Variants in NLGN1 observed in about 807,000 individuals in gnomAD.
NLGN1 encodes neuroligin-1.
Under a neutral mutation model 65.5 loss-of-function variants are expected in NLGN1, and 12 were observed. The ratio of observed to expected loss-of-function variants is 0.18; its 90% CI spans 0.12 to 0.30. NLGN1 has a LOEUF of 0.30. NLGN1 is among the 10% of genes least tolerant of loss of function. NLGN1 has a pLI of 1.00. For synonymous variants in NLGN1, 350 were observed against 359.5 expected (o/e 0.97, Z 0.30); for missense variants, 750 against 1,007.1 (o/e 0.74, Z 3.46).
intron 4 of NLGN1, among the ~76,000 whole-genome samples, chr3:174,080,404 A>G (rs946438679): frequency 6.6e-6 from 1 of 152,198 alleles, no homozygotes; most frequent in African/African-American, 2.4e-5. Context: ...GAAAGGAAGT[A>G]AAGTACATTT....
chr3:173,415,943 A>AGAGCGAGAGC lies in NLGN1; in HGVS notation c.-390+17457_-390+17458insAGCGAGAGCG, dbSNP rs141095727. Reference sequence around the variant, plus strand: ...GGGAGAGAGAGAGAGAGAGAGAGAGAGCTTGGTATAGAGCCTAACACACAA... The same window carrying AGAGCGAGAGC: ...GGGAGAGAGAGAGAGAGAGAGAGAGAGAGCGAGAGCGCTTGGTATAGAGCCTAACACACAA... On this transcript the variant is annotated intron_variant, in intron 1 of 6. Transcript: ENST00000457714. 1.6e-3 allele frequency among the ~76,000 whole-genome samples: 223 copies of AGAGCGAGAGC among 142,816 alleles called. 3 individuals are homozygous for AGAGCGAGAGC. The highest frequency in any genetic ancestry group is 5.7e-3 in the African/African-American group (204 of 35,796). 93.7% of individuals were successfully genotyped at this position (142,816 alleles called of 152,430 possible). A position where few individuals can be genotyped will look rare whatever the true frequency, so the allele number is the denominator to read the frequency against.
At chr3:174,144,536 T>G (rs577794702) in intron 4 of NLGN1, among the ~76,000 whole-genome samples, 3 of 152,304 alleles carry the variant, frequency 2.0e-5, no homozygotes, top group African/African-American at 7.2e-5. Flanking sequence ...CCACCAACAG[T>G]GTAAAAGCAT....
chr3:173,494,983 A>G (rs1729764415), intron 2 of NLGN1, among the ~76,000 whole-genome samples: 1 of 151,774 alleles, frequency 6.6e-6, no homozygotes, highest in Non-Finnish European at 1.5e-5. Context: ...ATTGCTTTCA[A>G]CATTCTAGAT....
intron 4 of NLGN1, among the ~76,000 whole-genome samples, chr3:174,009,335 G>T (rs1725056204): frequency 6.6e-6 from 1 of 152,154 alleles, no homozygotes; most frequent in Admixed American, 6.5e-5. Flanking sequence ...AGGGGTTGGG[G>T]TTGGGGAATA....
At chr3:174,048,419 A>C (rs1424567202) in intron 4 of NLGN1, among the ~76,000 whole-genome samples, 2 of 152,088 alleles carry the variant, frequency 1.3e-5, no homozygotes, top group African/African-American at 2.4e-5. Flanking sequence ...GGTGTCAATG[A>C]TGGCAAAGAA....
intron 4 of NLGN1, among the ~76,000 whole-genome samples, chr3:174,075,457 G>C (rs1212920182): frequency 1.3e-5 from 2 of 152,084 alleles, no homozygotes; most frequent in African/African-American, 4.8e-5. Context: ...TGATGAAGCG[G>C]TCCTTTAAAG....
chr3:173,904,380 C>T (rs2152194916), intron 4 of NLGN1, among the ~76,000 whole-genome samples: 1 of 152,226 alleles, frequency 6.6e-6, no homozygotes, highest in East Asian at 1.9e-4. Flanking sequence ...TCTCTAGGAT[C>T]AAGGGGTTAG....
At chr3:173,597,708 A>C (rs1256146922) in intron 2 of NLGN1, among the ~76,000 whole-genome samples, 1 of 143,012 alleles carries the variant, frequency 7.0e-6, no homozygotes, top group Non-Finnish European at 1.6e-5. Context: ...ATATATATTT[A>C]ATAAATATTT....
intron 4 of NLGN1, among the ~76,000 whole-genome samples, chr3:173,881,845 A>G (rs1733395109): frequency 1.3e-5 from 2 of 152,140 alleles, no homozygotes; most frequent in Non-Finnish European, 2.9e-5. Context: ...ACCTCCTCCC[A>G]TGAATCACAG....
intron 3 of NLGN1, among the ~76,000 whole-genome samples, chr3:173,796,321 C>T (rs1479709603): frequency 6.6e-6 from 1 of 152,070 alleles, no homozygotes; most frequent in African/African-American, 2.4e-5. Flanking sequence ...TATTTTTACT[C>T]CCTTTTTAAA....
At chr3:173,907,552 C>T (rs760269608) in intron 4 of NLGN1, among the ~76,000 whole-genome samples, 16 of 147,558 alleles carry the variant, frequency 1.1e-4, no homozygotes, top group Non-Finnish European at 1.9e-4. Flanking sequence ...CAGGAGAAGG[C>T]GTATCTTAGA....
chr3:174,002,054 TAA>T (rs201681047), intron 4 of NLGN1, among the ~76,000 whole-genome samples: 76 of 128,036 alleles, frequency 5.9e-4, no homozygotes, highest in African/African-American at 1.3e-3. Flanking sequence ...TAGACAGATT[TAA>T]AAAAAAAAAA....
chr3:173,461,833 A>G (rs1440727091), intron 2 of NLGN1, among the ~76,000 whole-genome samples: 2 of 152,074 alleles, frequency 1.3e-5, no homozygotes, highest in South Asian at 4.1e-4. Context: ...TCTTACCTGT[A>G]TAGGTTAAAT....
intron 2 of NLGN1, among the ~76,000 whole-genome samples, chr3:173,513,468 T>C (rs1274858901): frequency 6.6e-6 from 1 of 152,182 alleles, no homozygotes; most frequent in African/African-American, 2.4e-5. Flanking sequence ...AGTTGTGATT[T>C]TCTATATTTG....
intron 3 of NLGN1, among the ~76,000 whole-genome samples, chr3:173,768,127 A>G (rs1263151941): frequency 1.3e-5 from 2 of 152,182 alleles, no homozygotes; most frequent in Non-Finnish European, 1.5e-5. Flanking sequence ...TCCAAGTTAG[A>G]AAATGGAAAT....
At chr3:173,792,391 C>G (rs528007039) in intron 3 of NLGN1, among the ~76,000 whole-genome samples, 2 of 152,230 alleles carry the variant, frequency 1.3e-5, no homozygotes, top group South Asian at 4.1e-4. Flanking sequence ...AGAACTATCT[C>G]TCTCATTCAT....
chr3:174,197,608 G>A (rs1465075517), intron 4 of NLGN1, among the ~76,000 whole-genome samples: 1 of 150,690 alleles, frequency 6.6e-6, no homozygotes, highest in Non-Finnish European at 1.5e-5. Context: ...TGATTGGAAC[G>A]CAGCCCTGCC....
intron 4 of NLGN1, among the ~76,000 whole-genome samples, chr3:173,958,061 C>CA (rs1017035403): frequency 2.0e-5 from 3 of 152,192 alleles, no homozygotes; most frequent in African/African-American, 7.2e-5. Flanking sequence ...AGCTTGGAGA[C>CA]ACCAAGAACT....
intron 3 of NLGN1, among the ~76,000 whole-genome samples, chr3:173,753,395 C>CAG (rs60682883): frequency 3.3e-5 from 5 of 152,224 alleles, no homozygotes; most frequent in African/African-American, 1.2e-4. Context: ...TCCAAACTTC[C>CAG]AGTGGCTCGG....
Sources: gnomAD v4.1 joint callset for allele counts (sites outside exome capture counted in the v4.1 genomes callset) on GRCh38, gnomAD v4.1.1 for gene constraint, MANE v1.5 for transcripts, NCBI Gene and HGNC (gene_info 2026-07-23, HGNC 2026-07-21) for gene names.